Variants in KDM4C observed in about 807,000 individuals in gnomAD.
KDM4C encodes lysine-specific demethylase 4C.
A neutral mutation model predicts 129.3 loss-of-function variants in KDM4C; 81 were observed. That is an observed-to-expected ratio of 0.63 (90% CI 0.52 to 0.75). The LOEUF (loss-of-function observed/expected upper bound fraction) is 0.75, where lower values mean the gene tolerates loss of function less well. Among genes scored for constraint, KDM4C ranks in the 30% least tolerant of loss-of-function variants. The pLI, the probability that KDM4C is intolerant of heterozygous loss-of-function variation, is 0.00. For missense variants in KDM4C, 1,457 were observed against 1,304.0 expected (o/e 1.12, Z -1.81); for synonymous variants, 573 against 456.1 (o/e 1.26, Z -3.26).
At chr9:6,999,863 T>C (rs1295033708) in intron 12 of KDM4C, among the ~76,000 whole-genome samples, 1 of 152,212 alleles carries the variant, frequency 6.6e-6, no homozygotes, top group African/African-American at 2.4e-5. Context: ...CTGCTGCATG[T>C]CATGCTCCAA....
At chr9:7,083,956 G>C (rs939839782) in intron 17 of KDM4C, among the ~76,000 whole-genome samples, 7 of 152,132 alleles carry the variant, frequency 4.6e-5, no homozygotes, top group African/African-American at 1.7e-4. Context: ...AAAAGCTATG[G>C]AGAATTATAG....
At chr9:6,816,715 T>A (rs1336906808) in intron 4 of KDM4C, among the ~76,000 whole-genome samples, 1 of 152,214 alleles carries the variant, frequency 6.6e-6, no homozygotes, top group Non-Finnish European at 1.5e-5. Flanking sequence ...TTTTAGCCAC[T>A]CTGTTGGTGT....
chr9:6,994,928 G>A (rs549589247), intron 12 of KDM4C, among the ~76,000 whole-genome samples: 11 of 152,248 alleles, frequency 7.2e-5, no homozygotes, highest in Middle Eastern at 3.4e-3. Flanking sequence ...TTGTAGATGC[G>A]GCTGGTGCCT....
At chr9:6,882,877 G>T (rs538059249) in intron 6 of KDM4C, among the ~76,000 whole-genome samples, 1 of 152,186 alleles carries the variant, frequency 6.6e-6, no homozygotes, top group East Asian at 1.9e-4. Context: ...ATCCTGTGGA[G>T]TAAGAGGTCA....
chr9:6,778,607 A>T (rs140314870), intron 1 of KDM4C, among the ~76,000 whole-genome samples: 1 of 151,700 alleles, frequency 6.6e-6, no homozygotes, highest in African/African-American at 2.4e-5. Context: ...CCTCTACTAA[A>T]AATACAAAAA....
At chr9:6,898,649 T>C (rs1037269294) in intron 8 of KDM4C, among the ~76,000 whole-genome samples, 10 of 152,214 alleles carry the variant, frequency 6.6e-5, no homozygotes, top group African/African-American at 2.4e-4. Context: ...TGATAGAATT[T>C]TAAAACTGAT....
At position 6,984,169 on chromosome 9, in the gene KDM4C, C is replaced by A. The variant is rs138893846; in HGVS notation, c.1119C>A (p.Phe373Leu). Residue 373 changes from phenylalanine (F) to leucine (L), a missense_variant, in exon 10 of 22, where the codon TTC (phenylalanine) becomes TTA (leucine). Transcript: ENST00000381309. ...CCACTGCTTCTCTTGTTGACAGCTT[C>A]CAGTGTGCTAGGTCTACCTCTAAAA... ...RRKVRKASRSFQCARSTSKRP... is the reference protein window; with the variant it reads ...RRKVRKASRSLQCARSTSKRP... 6.2e-7 allele frequency: 1 copy of A among 1,609,658 alleles called. No individual in the cohort carries two copies. Among genetic ancestry groups the A allele is most frequent in the Non-Finnish European group, 8.5e-7 (1 of 1,176,436 alleles).
At chr9:6,772,197 T>C (rs1338479347) in intron 1 of KDM4C, among the ~76,000 whole-genome samples, 1 of 152,202 alleles carries the variant, frequency 6.6e-6, no homozygotes, top group Non-Finnish European at 1.5e-5. Context: ...TTGCCCAGGC[T>C]GGAGTGCAGT....
chr9:6,783,182 G>A (rs1254366492), intron 1 of KDM4C, among the ~76,000 whole-genome samples: 1 of 152,054 alleles, frequency 6.6e-6, no homozygotes, highest in African/African-American at 2.4e-5. Context: ...TCCCTTTATT[G>A]CAGCACCTGA....
At chr9:7,165,910 G>A (rs1365177170) in intron 20 of KDM4C, among the ~76,000 whole-genome samples, 3 of 152,196 alleles carry the variant, frequency 2.0e-5, no homozygotes, top group Admixed American at 6.5e-5. Context: ...TCAGTTGGAC[G>A]TTCTGTTCAC....
At chr9:6,827,544 A>ATGG (rs1342508634) in intron 4 of KDM4C, among the ~76,000 whole-genome samples, 2 of 152,236 alleles carry the variant, frequency 1.3e-5, no homozygotes, top group Non-Finnish European at 2.9e-5. Context: ...CATCCAGCAG[A>ATGG]TGGTGCTCTT....
intron 8 of KDM4C, among the ~76,000 whole-genome samples, chr9:6,914,099 G>A (rs1370929845): frequency 2.0e-5 from 3 of 151,986 alleles, no homozygotes; most frequent in Non-Finnish European, 4.4e-5. Flanking sequence ...TGCGCTTATT[G>A]TCCAGGCTGG....
At chr9:6,926,111 T>C (rs1822462629) in intron 8 of KDM4C, among the ~76,000 whole-genome samples, 1 of 152,006 alleles carries the variant, frequency 6.6e-6, no homozygotes, top group East Asian at 1.9e-4. Context: ...CCCCTTTAGA[T>C]GGTGGTTCTT....
rs752325936 is a variant in KDM4C at position 7,049,118 on chromosome 9, C to T, written c.2342C>T (p.Ala781Val). ...TGGGCCCATGTCATGTGCGCCGTTG[C>T]GGTCCCAGAAGTTCGATTCACTAAT... ...NKWAHVMCAV[A>V]VPEVRFTNVP... Residue 781 changes from alanine (A) to valine (V), a missense_variant, in exon 17 of 22, where the codon GCG becomes GTG. Coordinates refer to ENST00000381309, the MANE Select transcript of KDM4C (RefSeq NM_015061.6). 9 of 1,611,800 alleles carry T rather than the reference C, an allele frequency of 5.6e-6. No individual in the cohort carries two copies. The highest frequency in any genetic ancestry group is 2.7e-5 in the African/African-American group (2 of 74,740).
At chr9:6,743,225 C>T (rs1319219403) in intron 1 of KDM4C, among the ~76,000 whole-genome samples, 4 of 152,108 alleles carry the variant, frequency 2.6e-5, no homozygotes, top group Admixed American at 2.0e-4. Flanking sequence ...GAAATTAGGT[C>T]GACTGAAATG....
At chr9:6,936,310 T>A (rs886395010) in intron 8 of KDM4C, among the ~76,000 whole-genome samples, 1 of 152,232 alleles carries the variant, frequency 6.6e-6, no homozygotes, top group African/African-American at 2.4e-5. Flanking sequence ...TGTCTATTTT[T>A]AAAAATTATA....
chr9:7,051,665 A>T (rs1157572905), intron 17 of KDM4C, among the ~76,000 whole-genome samples: 1 of 152,128 alleles, frequency 6.6e-6, no homozygotes, highest in Non-Finnish European at 1.5e-5. Flanking sequence ...TGTGTCTGCC[A>T]GTGTCAGTTT....
At chr9:6,968,671 C>A (rs902748302) in intron 8 of KDM4C, among the ~76,000 whole-genome samples, 2 of 152,108 alleles carry the variant, frequency 1.3e-5, no homozygotes, top group Non-Finnish European at 2.9e-5. Flanking sequence ...AAATAGGCTT[C>A]CAAAAACCTT....
At chr9:6,894,287 C>T (rs573760448) in intron 8 of KDM4C, among the ~76,000 whole-genome samples, 74 of 152,188 alleles carry the variant, frequency 4.9e-4, no homozygotes, top group Non-Finnish European at 9.7e-4. Context: ...TAAAGGAAAG[C>T]CCCTGGTATT....
Sources: allele counts gnomAD v4.1 joint callset (sites outside exome capture counted in the v4.1 genomes callset), GRCh38; gene constraint gnomAD v4.1.1; transcripts MANE v1.5; gene names NCBI Gene and HGNC (gene_info 2026-07-23, HGNC 2026-07-21).